TMTC2: variants seen among roughly 807,000 people sequenced by gnomAD.
The protein encoded by TMTC2 is protein O-mannosyl-transferase TMTC2.
A neutral mutation model predicts 82.4 loss-of-function variants in TMTC2; 43 were observed. The observed-to-expected ratio is 0.52, with a 90% confidence interval of 0.41 to 0.67. The LOEUF (loss-of-function observed/expected upper bound fraction) is 0.67, where lower values mean the gene tolerates loss of function less well. Among genes scored for constraint, TMTC2 ranks in the 30% least tolerant of loss-of-function variants. The probability of loss-of-function intolerance (pLI) is 0.00; values close to 1 mark genes in which losing one functional copy is unlikely to be tolerated. For synonymous variants in TMTC2, 408 were observed against 381.9 expected (o/e 1.07, Z -0.80); for missense variants, 919 against 1,012.4 (o/e 0.91, Z 1.25).
intron 11 of TMTC2, among the ~76,000 whole-genome samples, chr12:83,129,972 T>C (rs573243677): frequency 1.3e-5 from 2 of 152,264 alleles, no homozygotes; most frequent in Non-Finnish European, 2.9e-5. Flanking sequence ...ATACAGACAC[T>C]ATAGGTGCAG....
chr12:82,728,196 T>C (rs1874563535), intron 1 of TMTC2, among the ~76,000 whole-genome samples: 2 of 152,012 alleles, frequency 1.3e-5, no homozygotes. Context: ...CCTGGTTCTC[T>C]GCTGGCCCTC....
chr12:82,927,586 T>C (rs1875793134), intron 3 of TMTC2, among the ~76,000 whole-genome samples: 1 of 152,222 alleles, frequency 6.6e-6, no homozygotes, highest in Admixed American at 6.5e-5. Flanking sequence ...AGTTCTATTA[T>C]GGATAAAATG....
intron 3 of TMTC2, among the ~76,000 whole-genome samples, chr12:82,928,694 A>G (rs1875856216): frequency 6.6e-6 from 1 of 152,160 alleles, no homozygotes; most frequent in African/African-American, 2.4e-5. Flanking sequence ...TAACTTTACA[A>G]ATTCTTTAGT....
At chr12:83,001,789 A>C (rs1409014073) in intron 8 of TMTC2, among the ~76,000 whole-genome samples, 1 of 152,148 alleles carries the variant, frequency 6.6e-6, no homozygotes, top group African/African-American at 2.4e-5. Context: ...CCTTTGTTCC[A>C]GTTCCCAACA....
At chr12:82,769,833 ACTC>A (rs975572277) in intron 1 of TMTC2, among the ~76,000 whole-genome samples, 3 of 150,830 alleles carry the variant, frequency 2.0e-5, no homozygotes, top group African/African-American at 7.3e-5. Context: ...CTGGTCTTGA[ACTC>A]CTGACCTCAG....
intron 1 of TMTC2, among the ~76,000 whole-genome samples, chr12:82,824,763 C>T (rs1340326180): frequency 6.6e-6 from 1 of 152,002 alleles, no homozygotes; most frequent in East Asian, 1.9e-4. Context: ...GCTAATTTTC[C>T]ATGGGAGTAT....
At chr12:82,733,018 C>T (rs1565726881) in intron 1 of TMTC2, among the ~76,000 whole-genome samples, 1 of 152,124 alleles carries the variant, frequency 6.6e-6, no homozygotes. Context: ...ATATATAAGA[C>T]ATCTTTTTAA....
At chr12:82,845,671 G>A (rs189630114) in intron 1 of TMTC2, among the ~76,000 whole-genome samples, 6 of 152,170 alleles carry the variant, frequency 3.9e-5, no homozygotes, top group Admixed American at 2.6e-4. Flanking sequence ...AACTGATTAT[G>A]TGCAAAATAT....
chr12:82,740,584 C>G (rs1339862617), intron 1 of TMTC2, among the ~76,000 whole-genome samples: 1 of 152,160 alleles, frequency 6.6e-6, no homozygotes, highest in Non-Finnish European at 1.5e-5. Context: ...ATGGGTGTGT[C>G]TCGAATTCAT....
intron 2 of TMTC2, among the ~76,000 whole-genome samples, chr12:82,894,965 ATT>A (rs538079811): frequency 0.11 from 13,004 of 122,150 alleles, 685 homozygotes; most frequent in Non-Finnish European, 0.12. Flanking sequence ...ATGCCTGGCA[ATT>A]TTTTTTTTTT....
At position 82,897,975 on chromosome 12, in the gene TMTC2, A is replaced by G. The variant is rs1043693724; in HGVS notation, c.1483+1329A>G. ...CCTGCTAATAGGTGTATATATATAT[A>G]TATAAAGACCTAGATACTCCAAAAG... On this transcript the variant is annotated intron_variant, in intron 3 of 11. Transcript: ENST00000321196. Among the ~76,000 whole-genome samples, 3 of 152,254 alleles carry G rather than the reference A, an allele frequency of 2.0e-5. No individual in the cohort carries two copies. In the East Asian group the frequency reaches 5.8e-4, roughly 29 times the overall value.
chr12:82,780,434 A>G (rs1320687196), intron 1 of TMTC2, among the ~76,000 whole-genome samples: 7 of 151,370 alleles, frequency 4.6e-5, no homozygotes, highest in East Asian at 1.9e-4. Context: ...AACAGTAAAC[A>G]GTTTTTTTTT....
At chr12:83,100,238 C>G (rs1417113900) in intron 11 of TMTC2, among the ~76,000 whole-genome samples, 1 of 152,064 alleles carries the variant, frequency 6.6e-6, no homozygotes, top group Non-Finnish European at 1.5e-5. Context: ...GTTTTTCAAC[C>G]TGCGAGCACA....
At chr12:82,819,097 A>AAT (rs1868924692) in intron 1 of TMTC2, among the ~76,000 whole-genome samples, 1 of 152,054 alleles carries the variant, frequency 6.6e-6, no homozygotes, top group South Asian at 2.1e-4. Context: ...AATTATTTAT[A>AAT]TACATCCTAG....
At chr12:82,782,651 C>T (rs536190118) in intron 1 of TMTC2, among the ~76,000 whole-genome samples, 11 of 152,236 alleles carry the variant, frequency 7.2e-5, no homozygotes, top group Non-Finnish European at 1.0e-4. Flanking sequence ...CTGAGATCAG[C>T]GTTTGGATAG....
chr12:82,717,084 A>G (rs1730306018), intron 1 of TMTC2, among the ~76,000 whole-genome samples: 1 of 152,016 alleles, frequency 6.6e-6, no homozygotes, highest in Admixed American at 6.5e-5. Context: ...AATATATATC[A>G]CCTCTGCCTT....
At chr12:83,089,413 T>A (rs571687927) in intron 11 of TMTC2, among the ~76,000 whole-genome samples, 10 of 152,344 alleles carry the variant, frequency 6.6e-5, no homozygotes, top group Admixed American at 6.5e-4. Flanking sequence ...TAAATGTCAC[T>A]ATAATTATTG....
chr12:82,882,265 C>T (rs1320649209), intron 2 of TMTC2, among the ~76,000 whole-genome samples: 3 of 152,106 alleles, frequency 2.0e-5, no homozygotes, highest in African/African-American at 7.2e-5. Flanking sequence ...TCCCAAAGTG[C>T]TGGGATTACA....
chr12:82,856,283 G>A (rs1871256333), intron 1 of TMTC2, among the ~76,000 whole-genome samples: 2 of 152,176 alleles, frequency 1.3e-5, no homozygotes, highest in African/African-American at 2.4e-5. Flanking sequence ...TTCTATAGAG[G>A]GTAGTAAGTC....
Sources: allele counts gnomAD v4.1 joint callset (sites outside exome capture counted in the v4.1 genomes callset), GRCh38; gene constraint gnomAD v4.1.1; transcripts MANE v1.5; gene names NCBI Gene and HGNC (gene_info 2026-07-23, HGNC 2026-07-21).